Variants in VPS13C observed in about 807,000 individuals in gnomAD.
VPS13C encodes intermembrane lipid transfer protein VPS13C.
VPS13C carries 358 observed loss-of-function variants against 456.8 expected under a neutral mutation model. The observed-to-expected ratio is 0.78, with a 90% CI of 0.72 to 0.86. The LOEUF (loss-of-function observed/expected upper bound fraction) is 0.86, where lower values mean the gene tolerates loss of function less well. Among genes scored for constraint, VPS13C ranks in the 40% least tolerant of loss-of-function variants. The pLI is 0.00. For missense variants in VPS13C, 4,818 were observed against 4,385.4 expected, an observed-to-expected ratio of 1.10 and a Z score of -2.79; for synonymous variants, 1,578 against 1,486.7, an observed-to-expected ratio of 1.06 and a Z score of -1.41.
intron 51 of VPS13C, among the ~76,000 whole-genome samples, chr15:61,927,931 C>T (rs1032648937): frequency 6.6e-6 from 1 of 151,716 alleles, no homozygotes; most frequent in Non-Finnish European, 1.5e-5. Flanking sequence ...CCTCAGCAAA[C>T]TATCGCAAGG....
intron 8 of VPS13C, among the ~76,000 whole-genome samples, chr15:62,021,877 T>A (rs1182683671): frequency 6.6e-6 from 1 of 151,926 alleles, no homozygotes; most frequent in Non-Finnish European, 1.5e-5. Context: ...GTTGCTAATG[T>A]ACTATCTACA....
chr15:62,016,063 G>A (rs188899978), intron 9 of VPS13C, among the ~76,000 whole-genome samples: 4 of 148,188 alleles, frequency 2.7e-5, no homozygotes, highest in East Asian at 4.0e-4. Flanking sequence ...TCTTCAATGC[G>A]ATGTGTATCT....
chr15:62,026,740 T>G (rs1310291025), intron 6 of VPS13C, among the ~76,000 whole-genome samples: 1 of 152,108 alleles, frequency 6.6e-6, no homozygotes, highest in Non-Finnish European at 1.5e-5. Context: ...TCTCTGCTGT[T>G]GCACAAAATA....
At chr15:61,981,706 A>C (rs1422468588) in intron 21 of VPS13C, among the ~76,000 whole-genome samples, 2 of 151,574 alleles carry the variant, frequency 1.3e-5, no homozygotes, top group Non-Finnish European at 2.9e-5. Context: ...TAAAAATACA[A>C]AAAAAAATTA....
At chr15:61,866,529 C>T (rs1173643465) in intron 81 of VPS13C, 1 of 984,988 alleles carries the variant, frequency 1.0e-6, no homozygotes, top group Non-Finnish European at 1.2e-6. Context: ...TTTAGAATCT[C>T]AGGAAGGGTA....
intron 65 of VPS13C, among the ~76,000 whole-genome samples, chr15:61,908,469 G>A (rs938445757): frequency 4.0e-4 from 60 of 151,860 alleles, no homozygotes; most frequent in Non-Finnish European, 2.5e-4. Context: ...GCAAAGGCAA[G>A]AACAATGAAA....
rs770172613 is a variant in VPS13C at position 62,007,429 on chromosome 15, G to A, written c.1169C>T (p.Thr390Ile). 6.2e-7 allele frequency: 1 copy of A among 1,609,040 alleles called. No homozygotes were observed. Among genetic ancestry groups the A allele is most frequent in the Admixed American group, 1.7e-5 (1 of 59,054 alleles). ...SVLEVHIRRY[T>I]QMWSWSNIKK... ...TATGTTACTCCATGACCACATCTGT[G>A]TATACCTTCTTATATGAACTTCAAG... The change falls in exon 15 of 85, where the codon ACA becomes ATA. Residue 390 changes from threonine (T) to isoleucine (I), a missense_variant. Thr to Ile is a moderately conservative substitution (Grantham distance 89). This residue lies in a region of VPS13C where 4,552 missense variants were observed against 4,130.6 expected (regional missense o/e 1.10). Transcript: ENST00000644861.
chr15:61,967,276 C>A, intron 29 of VPS13C, 92 bp downstream of exon 29: 1 of 1,056,190 alleles, frequency 9.5e-7, no homozygotes, highest in Non-Finnish European at 1.4e-6. Flanking sequence ...TGATACACAT[C>A]CAGAGCCATT....
rs893915277 is a variant in VPS13C at position 62,060,432 on chromosome 15, C to G, written c.-58G>C. ...CGGAACCGCCCGGCGCAGCTGAGGG[C>G]TGCGACCAGCGCTGCAAATGACAGC... On this transcript the variant is annotated 5_prime_UTR_variant, in exon 1 of 85. Coordinates refer to ENST00000644861, the MANE Select transcript of VPS13C (RefSeq NM_020821.3). 4.5e-6 allele frequency: 4 copies of G among 886,896 alleles called. No homozygotes were observed. The highest frequency in any genetic ancestry group is 1.8e-5 in the African/African-American group (1 of 56,532). The allele number at this position is 886,896 out of a possible 1,614,324, so 54.9% of individuals were successfully genotyped here.
intron 47 of VPS13C, 72 bp from the exon 48 acceptor site, chr15:61,936,822 T>A (rs62009158): frequency 0.013 from 18,525 of 1,426,098 alleles, 147 homozygotes; most frequent in Non-Finnish European, 0.014. Context: ...ATATCTCGAT[T>A]TGTGGTTTTT....
intron 12 of VPS13C, among the ~76,000 whole-genome samples, chr15:62,010,922 C>T (rs2047016368): frequency 6.6e-6 from 1 of 151,956 alleles, no homozygotes; most frequent in Admixed American, 6.6e-5. Context: ...TGTTGCAAGA[C>T]ATTTAATGAT....
intron 60 of VPS13C, among the ~76,000 whole-genome samples, chr15:61,916,964 G>GGGA (rs1205186311): frequency 1.7e-4 from 26 of 152,080 alleles, no homozygotes; most frequent in Admixed American, 1.3e-4. Flanking sequence ...GGAAGATACA[G>GGGA]TAAAGAGGCA....
At chr15:61,864,888 A>G (rs1894436799) in intron 81 of VPS13C, 1 of 971,898 alleles carries the variant, frequency 1.0e-6, no homozygotes, top group Middle Eastern at 5.3e-4. Flanking sequence ...AAATTTAAAT[A>G]TGTTAAAATA....
chr15:61,932,067 T>TCCCC (rs1363581747), intron 49 of VPS13C, among the ~76,000 whole-genome samples: 5 of 152,226 alleles, frequency 3.3e-5, no homozygotes, highest in Admixed American at 6.5e-5. Flanking sequence ...AATGATTAAA[T>TCCCC]ATTTTGTGAC....
chr15:61,878,456 A>T lies in VPS13C; in HGVS notation c.10142+151T>A, dbSNP rs1596282788. On this transcript the variant is annotated intron_variant, in intron 74 of 84. Coordinates refer to ENST00000644861, the MANE Select transcript of VPS13C (RefSeq NM_020821.3). ...TTATGAATACAATAAGCATTCCTAA[A>T]GAGTATAATCACAAATGAACCAAAT... 3 of 989,356 alleles carry T rather than the reference A, an allele frequency of 3.0e-6. No individual in the cohort carries two copies. In the East Asian group the frequency reaches 8.5e-5, roughly 28 times the overall value. 61.3% of individuals were successfully genotyped at this position (989,356 alleles called of 1,614,324 possible).
intron 66 of VPS13C, among the ~76,000 whole-genome samples, chr15:61,895,211 C>A (rs896426033): frequency 1.3e-5 from 2 of 151,854 alleles, no homozygotes; most frequent in African/African-American, 2.4e-5. Context: ...ACAGCAAAAG[C>A]AGCACTAAGA....
At chr15:61,980,536 C>G (rs1222697990) in intron 22 of VPS13C, among the ~76,000 whole-genome samples, 2 of 152,136 alleles carry the variant, frequency 1.3e-5, no homozygotes, top group African/African-American at 2.4e-5. Flanking sequence ...TTCCTCTTAT[C>G]AAATGAGGGC....
rs557617230 is a variant in VPS13C at position 61,949,324 on chromosome 15, C to G, written c.4759+119G>C. On this transcript the variant is annotated intron_variant, in intron 42 of 84. Coordinates refer to ENST00000644861, the MANE Select transcript of VPS13C (RefSeq NM_020821.3). ...AGATAACATTTTCTTTCTCTTGAAA[C>G]TAACCTATCAGAGCAGCAATGTCAA... 930 of 1,190,154 alleles carry G rather than the reference C, an allele frequency of 7.8e-4. 16 individuals are homozygous for G. In the South Asian group the frequency reaches 0.013, roughly 17 times the overall value. 73.7% of individuals were successfully genotyped at this position (1,190,154 alleles called of 1,614,324 possible).
At position 61,966,116 on chromosome 15, in the gene VPS13C, T is replaced by A; in HGVS notation, c.3018A>T (p.Gln1006His). 6.2e-7 allele frequency: 1 copy of A among 1,606,480 alleles called. No individual in the cohort carries two copies. The highest frequency in any genetic ancestry group is 1.3e-5 in the African/African-American group (1 of 74,738). ...IKADKNGPSFQTAFGKTEQTV... is the reference protein window; with the variant it reads ...IKADKNGPSFHTAFGKTEQTV... Reference sequence around the variant, plus strand: ...TTTGTTCAGTTTTTCCAAAAGCAGTTTGAAAACTAGGTCCATTCTTATCAG... The same window carrying A: ...TTTGTTCAGTTTTTCCAAAAGCAGTATGAAAACTAGGTCCATTCTTATCAG... Residue 1006 changes from glutamine (Q) to histidine (H), a missense_variant, in exon 30 of 85, where the codon CAA (glutamine) becomes CAT (histidine). Transcript: ENST00000644861.
Sources: gnomAD v4.1 joint callset for allele counts (sites outside exome capture counted in the v4.1 genomes callset) on GRCh38, gnomAD v4.1.1 for gene constraint, gnomAD v4.1.1 regional missense constraint, MANE v1.5 for transcripts, NCBI Gene and HGNC (gene_info 2026-07-23, HGNC 2026-07-21) for gene names.